UGT2B7: variants seen among roughly 807,000 people sequenced by gnomAD.
The protein encoded by UGT2B7 is UDP-glucuronosyltransferase 2B7.
A neutral mutation model predicts 51.9 loss-of-function variants in UGT2B7; 51 were observed. The observed-to-expected ratio is 0.98, with a 90% CI of 0.78 to 1.24. UGT2B7 has a LOEUF of 1.24. Ranked by LOEUF, UGT2B7 falls within the 50% of genes most tolerant of loss-of-function variation. The pLI, the probability that UGT2B7 is intolerant of heterozygous loss-of-function variation, is 0.00. For synonymous variants in UGT2B7, 225 were observed against 211.6 expected (o/e 1.06, Z -0.55); for missense variants, 727 against 628.4 (o/e 1.16, Z -1.68).
chr4:69,060,396 T>A (rs1439033764), intron 1 of UGT2B7, among the ~76,000 whole-genome samples: 1 of 152,088 alleles, frequency 6.6e-6, no homozygotes, highest in African/African-American at 2.4e-5. Context: ...ATCCCAAATT[T>A]CTCGCTCATG....
intron 1 of UGT2B7, among the ~76,000 whole-genome samples, chr4:69,070,394 A>T (rs1718575196): frequency 6.7e-6 from 1 of 149,886 alleles, no homozygotes; most frequent in Non-Finnish European, 1.5e-5. Flanking sequence ...ACCCTCTTCC[A>T]TATAAACAAA....
chr4:69,067,750 A>C (rs1170240667), intron 1 of UGT2B7: 2 of 152,362 alleles, frequency 1.3e-5, no homozygotes, highest in Non-Finnish European at 2.9e-5. Context: ...CTTAAAGGCC[A>C]TGATCAATAC....
chr4:69,105,084 G>C (rs1389253941), intron 3 of UGT2B7, among the ~76,000 whole-genome samples: 1 of 152,110 alleles, frequency 6.6e-6, no homozygotes, highest in Non-Finnish European at 1.5e-5. Context: ...ATGAAAGGGT[G>C]GAGATGGATC....
chr4:69,058,192 C>T (rs1347410315), intron 1 of UGT2B7, among the ~76,000 whole-genome samples: 2 of 152,144 alleles, frequency 1.3e-5, no homozygotes, highest in Non-Finnish European at 2.9e-5. Flanking sequence ...CACAGGAAAA[C>T]CCAGTTTTGC....
At chr4:69,068,394 C>A (rs1353194363) in intron 1 of UGT2B7, among the ~76,000 whole-genome samples, 4 of 151,690 alleles carry the variant, frequency 2.6e-5, no homozygotes, top group African/African-American at 9.7e-5. Flanking sequence ...ATTATAAAAT[C>A]AAAAAATAAT....
Position 69,097,106 on chromosome 4 carries a change from G to A in UGT2B7, c.586G>A (p.Val196Ile), listed in dbSNP as rs757999533. Residue 196 changes from valine to isoleucine, a missense_variant, in exon 1 of 6, where the codon GTT becomes ATT. Val to Ile is a conservative substitution (Grantham distance 29, BLOSUM62 3). Transcript: ENST00000305231. ...TATTTTCCCTCCTTCCTACGTACCT[G>A]TTGTTATGTCAGAATTAACTGATCA... is the stretch of plus-strand genomic sequence containing the variant. ...GFIFPPSYVP[V>I]VMSELTDQMT... 2.5e-6 allele frequency: 4 copies of A among 1,613,664 alleles called. No individual in the cohort carries two copies. The highest frequency in any genetic ancestry group is 3.3e-5 in the Admixed American group (2 of 59,968).
At chr4:69,082,284 C>A (rs1367066493) in intron 1 of UGT2B7, among the ~76,000 whole-genome samples, 2 of 151,796 alleles carry the variant, frequency 1.3e-5, no homozygotes, top group Admixed American at 1.3e-4. Flanking sequence ...AGTACCACAT[C>A]TTTCACTTTA....
At chr4:69,081,765 T>C (rs1718843851) in intron 1 of UGT2B7, among the ~76,000 whole-genome samples, 1 of 152,154 alleles carries the variant, frequency 6.6e-6, no homozygotes, top group South Asian at 2.1e-4. Flanking sequence ...AATGGTTTTC[T>C]CTGGGCTTCT....
chr4:69,110,003 G>A (rs559416677), intron 5 of UGT2B7, among the ~76,000 whole-genome samples: 24 of 152,044 alleles, frequency 1.6e-4, no homozygotes, highest in African/African-American at 5.8e-4. Flanking sequence ...AAGCAAATTG[G>A]TAGATTTAAA....
chr4:69,097,310 A>G (rs1719274131), intron 1 of UGT2B7, 69 bp downstream of exon 1: 13 of 1,533,058 alleles, frequency 8.5e-6, no homozygotes, highest in Non-Finnish European at 6.1e-6. Context: ...GAGCTTATAT[A>G]AAGCCATAAA....
At chr4:69,072,586 C>G (rs1213624409) in intron 1 of UGT2B7, among the ~76,000 whole-genome samples, 1 of 152,084 alleles carries the variant, frequency 6.6e-6, no homozygotes, top group African/African-American at 2.4e-5. Flanking sequence ...GAAGTATATT[C>G]TTTAATAGTC....
chr4:69,091,729 T>A (rs1489177197), upstream of UGT2B7, among the ~76,000 whole-genome samples: 1 of 152,128 alleles, frequency 6.6e-6, no homozygotes, highest in East Asian at 1.9e-4. Context: ...AAAGTCCTGG[T>A]TGGCCTTGTG....
rs79159896 is a variant in UGT2B7, at chr4:69,098,720, G to C, written c.870+32G>C. Reference sequence around the variant, plus strand: ...ATACTTTTGTTGGTTTTATTTTGTTGGCTTTGAATTTTCAGTAGAAATGAT... The same window carrying C: ...ATACTTTTGTTGGTTTTATTTTGTTCGCTTTGAATTTTCAGTAGAAATGAT... On this transcript the variant is annotated intron_variant, in intron 2 of 5. Coordinates refer to ENST00000305231, the MANE Select transcript of UGT2B7 (RefSeq NM_001074.4). The C allele has an allele frequency of 5.2e-3, 8,272 of 1,598,868 alleles. 27 individuals carry two copies. Among genetic ancestry groups the C allele is most frequent in the Non-Finnish European group, 6.6e-3 (7,709 of 1,175,442 alleles).
At chr4:69,070,771 A>T (rs114850176) in intron 1 of UGT2B7, among the ~76,000 whole-genome samples, 2 of 152,100 alleles carry the variant, frequency 1.3e-5, no homozygotes, top group Non-Finnish European at 2.9e-5. Flanking sequence ...AAGCCTCAGC[A>T]TGAAGGCTAG....
At chr4:69,074,320 A>G (rs1339948845) in intron 1 of UGT2B7, among the ~76,000 whole-genome samples, 1 of 151,814 alleles carries the variant, frequency 6.6e-6, no homozygotes, top group Non-Finnish European at 1.5e-5. Flanking sequence ...CAGCCTGGAC[A>G]GCAGAGTGAG....
intron 1 of UGT2B7, among the ~76,000 whole-genome samples, chr4:69,086,590 T>G (rs190454395): frequency 6.6e-6 from 1 of 151,928 alleles, no homozygotes; most frequent in African/African-American, 2.4e-5. Context: ...ACTCTTCTAC[T>G]ATTATCATAT....
intron 1 of UGT2B7, among the ~76,000 whole-genome samples, chr4:69,063,288 C>A (rs1718395932): frequency 7.9e-6 from 1 of 126,126 alleles, no homozygotes; most frequent in East Asian, 2.4e-4. Flanking sequence ...CACTGTACTC[C>A]AGCCTGGGCG....
At chr4:69,094,558 C>T (rs928843165), upstream of UGT2B7, among the ~76,000 whole-genome samples, 4 of 152,168 alleles carry the variant, frequency 2.6e-5, no homozygotes, top group Non-Finnish European at 2.9e-5. Context: ...CACTTAATTG[C>T]TAAAAAGTGC....
At chr4:69,055,016 C>G (rs1283251161) in intron 1 of UGT2B7, among the ~76,000 whole-genome samples, 1 of 148,298 alleles carries the variant, frequency 6.7e-6, no homozygotes, top group African/African-American at 2.5e-5. Context: ...AAGTGACCAG[C>G]CTGATGCGTG....
Sources: allele counts gnomAD v4.1 joint callset (sites outside exome capture counted in the v4.1 genomes callset), GRCh38; gene constraint gnomAD v4.1.1; transcripts MANE v1.5; gene names NCBI Gene and HGNC (gene_info 2026-07-23, HGNC 2026-07-21).